MET: variants seen among roughly 807,000 people sequenced by gnomAD.
MET encodes MET proto-oncogene, receptor tyrosine kinase.
A neutral mutation model predicts 133.1 loss-of-function variants in MET; 48 were observed. That is an observed-to-expected ratio of 0.36 (90% CI 0.29 to 0.46). The LOEUF (loss-of-function observed/expected upper bound fraction) is 0.46, where lower values mean the gene tolerates loss of function less well. Among genes scored for constraint, MET ranks in the 20% least tolerant of loss-of-function variants. The probability of loss-of-function intolerance (pLI) is 1.00; values close to 1 mark genes in which losing one functional copy is unlikely to be tolerated. For missense variants in MET, 1,442 were observed against 1,695.9 expected, an observed-to-expected ratio of 0.85 and a Z score of 2.63; for synonymous variants, 628 against 616.5, an observed-to-expected ratio of 1.02 and a Z score of -0.28.
At chr7:116,786,289 A>G (rs1388419803) in intron 19 of MET, among the ~76,000 whole-genome samples, 3 of 152,222 alleles carry the variant, frequency 2.0e-5, no homozygotes, top group East Asian at 1.9e-4. Flanking sequence ...AAATGGCCCC[A>G]TCATTAAACA....
intron 1 of MET, among the ~76,000 whole-genome samples, chr7:116,682,136 C>G (rs1049735599): frequency 2.0e-5 from 3 of 151,926 alleles, no homozygotes; most frequent in African/African-American, 7.3e-5. Context: ...AAAGAACTTA[C>G]CAAAAAAAAA....
At chr7:116,734,501 A>G (rs1285948685) in intron 3 of MET, among the ~76,000 whole-genome samples, 6 of 152,240 alleles carry the variant, frequency 3.9e-5, no homozygotes, top group African/African-American at 1.2e-4. Context: ...CATTTTGTGT[A>G]TGGCAGGGAA....
chr7:116,699,360 C>T lies in MET; in HGVS notation c.276C>T (p.His92=), dbSNP rs1224680436. The change falls in exon 2 of 21, where the codon CAC becomes CAT. Residue 92 remains histidine, a synonymous_variant. Transcript: ENST00000397752. ...AEYKTGPVLE[H]PDCFPCQDCS... The stretch of plus-strand genomic sequence containing the variant: ...ACAAGACTGGGCCTGTGCTGGAACA[C>T]CCAGATTGTTTCCCATGTCAGGACT... The T allele has an allele frequency of 6.2e-7, 1 of 1,614,006 alleles. No homozygotes were observed. The highest frequency in any genetic ancestry group is 1.1e-5 in the South Asian group (1 of 91,080).
chr7:116,718,316 A>G (rs1028894168), intron 2 of MET, among the ~76,000 whole-genome samples: 7 of 152,120 alleles, frequency 4.6e-5, no homozygotes, highest in African/African-American at 1.4e-4. Context: ...TGAACCCAGG[A>G]GGCGGAGGTT....
Position 116,672,358 on chromosome 7 carries a change from C to A in MET, c.-234C>A. On this transcript the variant is annotated 5_prime_UTR_variant, in exon 1 of 21. Coordinates refer to ENST00000397752, the MANE Select transcript of MET (RefSeq NM_000245.4). ...GAAGGGGCGGAGGGAGTGCGGCCGG[C>A]GGGCGGGCGGGGCGCTGGGCTCAGC... is the stretch of plus-strand genomic sequence containing the variant. The A allele has an allele frequency of 2.9e-6, 1 of 339,720 alleles. No individual in the cohort carries two copies. Among genetic ancestry groups the A allele is most frequent in the East Asian group, 4.5e-5 (1 of 22,468 alleles). 21.0% of individuals were successfully genotyped at this position (339,720 alleles called of 1,614,324 possible). A position where few individuals can be genotyped will look rare whatever the true frequency, so the allele number is the denominator to read the frequency against.
At chr7:116,767,529 A>G (rs1467080418) in intron 11 of MET, among the ~76,000 whole-genome samples, 2 of 152,140 alleles carry the variant, frequency 1.3e-5, no homozygotes, top group African/African-American at 2.4e-5. Flanking sequence ...ATAGTTCTCC[A>G]TATGTAAAGC....
intron 10 of MET, 68 bp downstream of exon 10, chr7:116,759,558 G>A (rs1277462520): frequency 6.5e-7 from 1 of 1,544,204 alleles, no homozygotes; most frequent in African/African-American, 1.4e-5. Flanking sequence ...TGGCTTTCAT[G>A]GTACCTGAGA....
intron 2 of MET, among the ~76,000 whole-genome samples, chr7:116,722,223 C>T (rs1165765854): frequency 1.3e-5 from 2 of 151,152 alleles, no homozygotes; most frequent in Non-Finnish European, 3.0e-5. Context: ...TGAATTGATC[C>T]CTTTACCATT....
chr7:116,796,339 G>A lies in MET; in HGVS notation c.*215G>A, dbSNP rs537781991. 31 of 587,184 alleles carry A rather than the reference G, an allele frequency of 5.3e-5. No homozygotes were observed. The African/African-American group carries it at 5.6e-4, about 11-fold the overall frequency. The allele number at this position is 587,184 out of a possible 1,614,324, so 36.4% of individuals were successfully genotyped here. A position where few individuals can be genotyped will look rare whatever the true frequency, so the allele number is the denominator to read the frequency against. ...CCCACAGGCCACGGACCAATGGCCT[G>A]CAGCCGTGACAACACTCCTGTCATA... On this transcript the variant is annotated 3_prime_UTR_variant, in exon 21 of 21. Coordinates refer to ENST00000397752, the MANE Select transcript of MET (RefSeq NM_000245.4).
At chr7:116,684,833 CAT>C (rs1249241492) in intron 1 of MET, among the ~76,000 whole-genome samples, 1 of 152,050 alleles carries the variant, frequency 6.6e-6, no homozygotes, top group Non-Finnish European at 1.5e-5. Context: ...AAAGAAGTGA[CAT>C]AGTCAAATTG....
At chr7:116,698,220 C>T (rs1797034984) in intron 1 of MET, among the ~76,000 whole-genome samples, 1 of 152,174 alleles carries the variant, frequency 6.6e-6, no homozygotes, top group African/African-American at 2.4e-5. Flanking sequence ...TACTGAATAA[C>T]AGGCCCATTC....
intron 1 of MET, among the ~76,000 whole-genome samples, chr7:116,698,112 T>C (rs1797032078): frequency 6.6e-6 from 1 of 152,194 alleles, no homozygotes; most frequent in African/African-American, 2.4e-5. Flanking sequence ...TTAGTTTATA[T>C]TCATTCTAAG....
chr7:116,712,400 C>T (rs914174561), intron 2 of MET, among the ~76,000 whole-genome samples: 9 of 152,172 alleles, frequency 5.9e-5, no homozygotes, highest in Non-Finnish European at 1.2e-4. Context: ...ATCGTTAGCC[C>T]CCTGAGGGGA....
intron 2 of MET, among the ~76,000 whole-genome samples, chr7:116,709,449 C>T (rs896936526): frequency 6.6e-6 from 1 of 152,130 alleles, no homozygotes; most frequent in Non-Finnish European, 1.5e-5. Flanking sequence ...GAATCATAAG[C>T]AGTATTGTTT....
At chr7:116,755,536 T>C (rs1351737025) in intron 6 of MET, 21 bp downstream of exon 6, 1 of 1,613,888 alleles carries the variant, frequency 6.2e-7, no homozygotes, top group South Asian at 1.1e-5. Flanking sequence ...TAAAATGCTT[T>C]GCTGGGGTGT....
intron 10 of MET, among the ~76,000 whole-genome samples, chr7:116,760,265 T>A (rs1794347839): frequency 6.6e-6 from 1 of 152,172 alleles, no homozygotes; most frequent in Non-Finnish European, 1.5e-5. Flanking sequence ...CCCCTGTTCT[T>A]CTTATCATTC....
chr7:116,712,963 GACTTT>G (rs1355239358), intron 2 of MET, among the ~76,000 whole-genome samples: 1 of 152,128 alleles, frequency 6.6e-6, no homozygotes, highest in East Asian at 1.9e-4. Flanking sequence ...CTGTAAGAGG[GACTTT>G]ACGCAATGCT....
At chr7:116,685,912 ACAAAATAGCTCTGTCTT>A (rs1796535393) in intron 1 of MET, among the ~76,000 whole-genome samples, 1 of 151,962 alleles carries the variant, frequency 6.6e-6, no homozygotes, top group Non-Finnish European at 1.5e-5. Context: ...GAGGCATGTG[ACAAAATAGCTCTGTCTT>A]CAAAATAGAA....
In MET at chr7:116,795,984, A is replaced by G; in HGVS notation, c.4033A>G (p.Ile1345Val). ...GATATCAGCGATCTTCTCTACTTTC[A>G]TTGGGGAGCACTATGTCCATGTGAA... The part of the protein sequence containing the change: ...SRISAIFSTF[I>V]GEHYVHVNAT... The change falls in exon 21 of 21, where the codon ATT becomes GTT. Residue 1345 changes from isoleucine to valine, a missense_variant. This residue lies in a region of MET where 94 missense variants were observed against 109.5 expected (regional missense o/e 0.86). Transcript: ENST00000397752. 1 of 1,614,062 alleles carries G rather than the reference A, an allele frequency of 6.2e-7. No homozygotes were observed. Among genetic ancestry groups the G allele is most frequent in the Non-Finnish European group, 8.5e-7 (1 of 1,179,978 alleles).
Sources: gnomAD v4.1 joint callset for allele counts (sites outside exome capture counted in the v4.1 genomes callset) on GRCh38, gnomAD v4.1.1 for gene constraint, gnomAD v4.1.1 regional missense constraint, MANE v1.5 for transcripts, NCBI Gene and HGNC (gene_info 2026-07-23, HGNC 2026-07-21) for gene names.